PCDH7: variants seen among roughly 807,000 people sequenced by gnomAD.
The protein encoded by PCDH7 is protocadherin 7, also known as protocadherin-7.
In PCDH7, 17 loss-of-function variants were observed where a neutral mutation model predicts 58.9. The ratio of observed to expected loss-of-function variants is 0.29; its 90% CI spans 0.20 to 0.43. The LOEUF (loss-of-function observed/expected upper bound fraction) is 0.43, where lower values mean the gene tolerates loss of function less well. Ranked by LOEUF, PCDH7 falls within the 20% of genes least tolerant of loss-of-function variation. The pLI, the probability that PCDH7 is intolerant of heterozygous loss-of-function variation, is 1.00. For missense variants in PCDH7, 1,274 were observed against 1,441.0 expected (o/e 0.88, Z 1.88); for synonymous variants, 664 against 616.4 (o/e 1.08, Z -1.14).
chr4:30,851,146 A>ATGTGTGTGTC (rs1732681023), intron 1 of PCDH7, among the ~76,000 whole-genome samples: 1 of 151,104 alleles, frequency 6.6e-6, no homozygotes, highest in Non-Finnish European at 1.5e-5. Flanking sequence ...CAGAAAGTAA[A>ATGTGTGTGTC]TGTGTGTGTC....
chr4:30,827,862 A>G (rs949661081), intron 1 of PCDH7, among the ~76,000 whole-genome samples: 2 of 152,204 alleles, frequency 1.3e-5, no homozygotes, highest in South Asian at 2.1e-4. Flanking sequence ...GGAGCAATCC[A>G]TGCAATCCTT....
intron 3 of PCDH7, among the ~76,000 whole-genome samples, chr4:31,117,518 T>A (rs975439191): frequency 1.3e-5 from 2 of 152,180 alleles, no homozygotes; most frequent in African/African-American, 2.4e-5. Flanking sequence ...CAATTTTTTA[T>A]CATGTATTAC....
intron 1 of PCDH7, among the ~76,000 whole-genome samples, chr4:30,887,328 A>G (rs1305492997): frequency 6.6e-6 from 1 of 152,130 alleles, no homozygotes; most frequent in Non-Finnish European, 1.5e-5. Context: ...GCACATTAAG[A>G]CCAAAGCAGA....
intron 3 of PCDH7, among the ~76,000 whole-genome samples, chr4:31,032,076 A>G (rs1318982888): frequency 6.6e-6 from 1 of 152,234 alleles, no homozygotes; most frequent in African/African-American, 2.4e-5. Context: ...TATCTGCCTT[A>G]GTAAAATTAT....
chr4:30,726,165 T>G (rs1343917574), intron 1 of PCDH7, among the ~76,000 whole-genome samples: 2 of 152,028 alleles, frequency 1.3e-5, no homozygotes, highest in African/African-American at 4.8e-5. Flanking sequence ...ATTGGTGTTG[T>G]AAACAAGGAA....
At chr4:31,029,185 C>G (rs1754690352) in intron 3 of PCDH7, among the ~76,000 whole-genome samples, 1 of 152,208 alleles carries the variant, frequency 6.6e-6, no homozygotes, top group Non-Finnish European at 1.5e-5. Context: ...CAGCATAAAA[C>G]AGCTATAGAA....
chr4:31,144,032 T>G (rs1351715511), downstream of PCDH7: 1 of 152,222 alleles, frequency 6.6e-6, no homozygotes, highest in African/African-American at 2.4e-5. Flanking sequence ...ATAGTCTTGA[T>G]AGTTAAGTCC....
At chr4:31,098,484 T>C (rs1005155656) in intron 3 of PCDH7, among the ~76,000 whole-genome samples, 2 of 152,176 alleles carry the variant, frequency 1.3e-5, no homozygotes, top group African/African-American at 4.8e-5. Flanking sequence ...TGGACCACTT[T>C]TTGCAAAGCC....
intron 3 of PCDH7, among the ~76,000 whole-genome samples, chr4:31,125,605 C>T (rs965181483): frequency 6.6e-6 from 1 of 152,116 alleles, no homozygotes; most frequent in Non-Finnish European, 1.5e-5. Flanking sequence ...TATCTTTTAT[C>T]TTTTCCCAGG....
chr4:31,120,217 GT>G (rs1717494293), intron 3 of PCDH7, among the ~76,000 whole-genome samples: 1 of 151,712 alleles, frequency 6.6e-6, no homozygotes, highest in Non-Finnish European at 1.5e-5. Flanking sequence ...TTTCCTTCCT[GT>G]TTTTTCTCCC....
rs2109227297 is a variant in PCDH7, at chr4:30,723,318, A to G, written c.1896A>G (p.Lys632=). The G allele has an allele frequency of 6.2e-7, 1 of 1,614,226 alleles. No homozygotes were observed. Among genetic ancestry groups the G allele is most frequent in the Non-Finnish European group, 8.5e-7 (1 of 1,180,042 alleles). The stretch of plus-strand genomic sequence containing the variant: ...CGGTGATTGTGCAGGTGGCTGATAA[A>G]AATGACAATGACCCTAAGTTTATGC... The change falls in exon 1 of 2, where the codon AAA becomes AAG. Residue 632 remains lysine (K), a synonymous_variant. Coordinates refer to ENST00000361762, the Ensembl canonical transcript of PCDH7. This position sits in a 1 kb window ranked among gnomAD's most constrained non-coding sequence, Gnocchi z 4.6.
chr4:30,895,264 C>A (rs980291576), intron 1 of PCDH7, among the ~76,000 whole-genome samples: 1 of 151,414 alleles, frequency 6.6e-6, no homozygotes, highest in Non-Finnish European at 1.5e-5. Flanking sequence ...AGCATGTAAC[C>A]GCATGTATGT....
chr4:30,735,840 C>T (rs1716171511), downstream of PCDH7, among the ~76,000 whole-genome samples: 1 of 152,192 alleles, frequency 6.6e-6, no homozygotes, highest in African/African-American at 2.4e-5. Flanking sequence ...CAGTAAACAT[C>T]ATGCTATATG....
At position 30,722,991 on chromosome 4, in the gene PCDH7, C is replaced by T; in HGVS notation, c.1569C>T (p.Val523=). 1.2e-6 allele frequency: 2 copies of T among 1,613,842 alleles called. No individual in the cohort carries two copies. The highest frequency in any genetic ancestry group is 1.7e-6 in the Non-Finnish European group (2 of 1,180,042). ...TCTCGAGCAACAACTCCCTGATTGTCAAGGTGGGAGACACCAACGACAACC... is the reference window on the plus strand; with the variant it reads ...TCTCGAGCAACAACTCCCTGATTGTTAAGGTGGGAGACACCAACGACAACC... Residue 523 remains valine, a synonymous_variant, in exon 1 of 2, where the codon GTC becomes GTT. Transcript: ENST00000361762. This position sits in a 1 kb window ranked among gnomAD's most constrained non-coding sequence, Gnocchi z 7.6.
At chr4:30,803,382 A>G (rs1005969746) in intron 1 of PCDH7, among the ~76,000 whole-genome samples, 1 of 152,200 alleles carries the variant, frequency 6.6e-6, no homozygotes, top group Non-Finnish European at 1.5e-5. Flanking sequence ...TATAGAAGAT[A>G]AAACAATAGA....
chr4:31,105,191 G>C (rs1237883406), intron 3 of PCDH7, among the ~76,000 whole-genome samples: 4 of 152,024 alleles, frequency 2.6e-5, no homozygotes, highest in Non-Finnish European at 5.9e-5. Context: ...TTACTTCTTT[G>C]TGTATAAGTA....
intron 3 of PCDH7, among the ~76,000 whole-genome samples, chr4:30,985,815 T>G (rs1256508788): frequency 6.6e-6 from 1 of 152,198 alleles, no homozygotes; most frequent in Non-Finnish European, 1.5e-5. Context: ...TTTCTGGGGC[T>G]GCAGTGTTAA....
At chr4:30,784,680 A>G (rs1279693660) in intron 1 of PCDH7, among the ~76,000 whole-genome samples, 1 of 152,144 alleles carries the variant, frequency 6.6e-6, no homozygotes, top group Non-Finnish European at 1.5e-5. Flanking sequence ...AATTTTACAT[A>G]GTATCTTTCG....
At chr4:30,895,578 G>A (rs181202559) in intron 1 of PCDH7, among the ~76,000 whole-genome samples, 3 of 152,180 alleles carry the variant, frequency 2.0e-5, no homozygotes, top group African/African-American at 4.8e-5. Context: ...ATGCAGAGTA[G>A]CACTTCTTCT....
Sources: gnomAD v4.1 joint callset for allele counts (sites outside exome capture counted in the v4.1 genomes callset) on GRCh38, gnomAD v4.1.1 for gene constraint, Gnocchi (gnomAD v3.1) non-coding constraint, MANE v1.5 for transcripts, NCBI Gene and HGNC (gene_info 2026-07-23, HGNC 2026-07-21) for gene names.